Variants in ELAVL2 observed in about 807,000 individuals in gnomAD.
The protein encoded by ELAVL2 is ELAV-like protein 2.
A neutral mutation model predicts 34.6 loss-of-function variants in ELAVL2; 4 were observed. That is an observed-to-expected ratio of 0.12 (90% CI 0.06 to 0.26). The LOEUF (loss-of-function observed/expected upper bound fraction) is 0.26, where lower values mean the gene tolerates loss of function less well. Ranked by LOEUF, ELAVL2 falls within the 10% of genes least tolerant of loss-of-function variation. The pLI, the probability that ELAVL2 is intolerant of heterozygous loss-of-function variation, is 1.00. For missense variants in ELAVL2, 432 were observed against 442.8 expected (o/e 0.98, Z 0.22); for synonymous variants, 193 against 154.8 (o/e 1.25, Z -1.83).
intron 2 of ELAVL2, among the ~76,000 whole-genome samples, chr9:23,752,754 C>A (rs1475807413): frequency 1.3e-5 from 2 of 152,164 alleles, no homozygotes; most frequent in African/African-American, 4.8e-5. Context: ...CATACCCAGC[C>A]AAGGAACTCT....
At chr9:23,732,341 T>C (rs1406796362) in intron 2 of ELAVL2, among the ~76,000 whole-genome samples, 1 of 152,232 alleles carries the variant, frequency 6.6e-6, no homozygotes, top group Admixed American at 6.5e-5. Context: ...ATATGAAAAC[T>C]AGTGATTATA....
intron 4 of ELAVL2, among the ~76,000 whole-genome samples, chr9:23,702,811 G>C (rs1333176752): frequency 6.6e-6 from 1 of 151,586 alleles, no homozygotes; most frequent in African/African-American, 2.4e-5. Flanking sequence ...CAGGTAAATT[G>C]AGTAAGTTCA....
chr9:23,734,965 C>G (rs1460079354), intron 2 of ELAVL2, among the ~76,000 whole-genome samples: 2 of 151,780 alleles, frequency 1.3e-5, no homozygotes, highest in African/African-American at 4.8e-5. Flanking sequence ...TTAGAATGTG[C>G]ATACTGATAA....
intron 1 of ELAVL2, among the ~76,000 whole-genome samples, chr9:23,788,006 G>GTT (rs1294438771): frequency 6.6e-6 from 1 of 152,126 alleles, no homozygotes; most frequent in African/African-American, 2.4e-5. Flanking sequence ...TGATTAAAAA[G>GTT]GCGCAAAAAA....
At chr9:23,761,865 T>G in intron 2 of ELAVL2, 141 bp downstream of exon 2, 1 of 1,181,630 alleles carries the variant, frequency 8.5e-7, no homozygotes, top group Non-Finnish European at 1.1e-6. Flanking sequence ...CTAAGTTTCA[T>G]ATTGCTGATG....
At chr9:23,699,812 G>GTTTGTTTT (rs2036518015) in intron 5 of ELAVL2, among the ~76,000 whole-genome samples, 1 of 82,970 alleles carries the variant, frequency 1.2e-5, no homozygotes, top group East Asian at 4.5e-4. Flanking sequence ...GGTGGCAAAG[G>GTTTGTTTT]TTTTTTTTTT....
chr9:23,747,744 C>A (rs991454968), intron 2 of ELAVL2, among the ~76,000 whole-genome samples: 3 of 152,094 alleles, frequency 2.0e-5, no homozygotes, highest in African/African-American at 7.2e-5. Context: ...CTCTTACAAC[C>A]CAGGGGAGGC....
At chr9:23,849,018 C>T in the ELAVL2 span, among the ~76,000 whole-genome samples, 1 of 151,752 alleles carries the variant, frequency 6.6e-6, no homozygotes, top group Non-Finnish European at 1.5e-5. Context: ...GCAAAACAGG[C>T]CAAACAATGT....
intron 1 of ELAVL2, among the ~76,000 whole-genome samples, chr9:23,771,981 C>G (rs2057380818): frequency 6.6e-6 from 1 of 152,108 alleles, no homozygotes; most frequent in African/African-American, 2.4e-5. Flanking sequence ...ATTTCCATGC[C>G]ATTATTTGGC....
chr9:23,693,100 AT>A (rs1485901290), intron 6 of ELAVL2, among the ~76,000 whole-genome samples: 1 of 152,252 alleles, frequency 6.6e-6, no homozygotes, highest in Non-Finnish European at 1.5e-5. Flanking sequence ...TGAAATGACC[AT>A]TATTCACTGT....
chr9:23,818,456 G>C (rs189698076), intron 1 of ELAVL2, among the ~76,000 whole-genome samples: 366 of 152,228 alleles, frequency 2.4e-3, no homozygotes, highest in Non-Finnish European at 3.9e-3. Context: ...CCATAACTAA[G>C]TACTCACGCC....
chr9:23,820,035 G>A lies in ELAVL2; in HGVS notation c.-16+5771C>T, dbSNP rs112516613. Among the ~76,000 whole-genome samples the A allele has an allele frequency of 4.3e-4, 65 of 151,746 alleles. 2 individuals carry two copies. Among genetic ancestry groups the A allele is most frequent in the African/African-American group, 1.6e-3 (65 of 41,420 alleles). Reference sequence around the variant, plus strand: ...CAGTCACCATTTATATATACCCAAAGGTTACTAAGACAAGGTAGATGCAGG... The same window carrying A: ...CAGTCACCATTTATATATACCCAAAAGTTACTAAGACAAGGTAGATGCAGG... On this transcript the variant is annotated intron_variant, in intron 1 of 6. Coordinates refer to ENST00000397312, the MANE Select transcript of ELAVL2 (RefSeq NM_004432.5).
intron 2 of ELAVL2, among the ~76,000 whole-genome samples, chr9:23,746,972 TG>T (rs761376134): frequency 2.0e-5 from 3 of 152,138 alleles, no homozygotes; most frequent in African/African-American, 4.8e-5. Flanking sequence ...TAGAACATCC[TG>T]CATTCCACCT....
chr9:23,787,965 A>G (rs1039047834), intron 1 of ELAVL2, among the ~76,000 whole-genome samples: 3 of 152,186 alleles, frequency 2.0e-5, no homozygotes, highest in Admixed American at 6.5e-5. Flanking sequence ...AACTTCAGGG[A>G]AAGTCTGAAC....
At chr9:23,701,970 C>A (rs1049956542) in intron 4 of ELAVL2, among the ~76,000 whole-genome samples, 2 of 152,022 alleles carry the variant, frequency 1.3e-5, no homozygotes, top group Non-Finnish European at 1.5e-5. Flanking sequence ...TCAATTTGTG[C>A]TATTGGATAA....
chr9:23,798,316 T>C (rs1258031689), intron 1 of ELAVL2, among the ~76,000 whole-genome samples: 1 of 152,224 alleles, frequency 6.6e-6, no homozygotes, highest in Non-Finnish European at 1.5e-5. Flanking sequence ...AATTCCAGTA[T>C]AGATGTTACT....
chr9:23,705,417 C>T (rs2038987583), intron 3 of ELAVL2, among the ~76,000 whole-genome samples: 1 of 152,216 alleles, frequency 6.6e-6, no homozygotes, highest in Admixed American at 6.5e-5. Flanking sequence ...GATTCAACAA[C>T]TGCCTGCTCA....
intron 2 of ELAVL2, among the ~76,000 whole-genome samples, chr9:23,758,909 A>G (rs970938769): frequency 1.3e-5 from 2 of 152,116 alleles, no homozygotes; most frequent in Non-Finnish European, 2.9e-5. Flanking sequence ...AATTACTAGT[A>G]TCTCACCAAA....
At chr9:23,692,937 G>T (rs775594043) in intron 6 of ELAVL2, 53 bp from the exon 7 acceptor site, 2 of 1,540,286 alleles carry the variant, frequency 1.3e-6, no homozygotes, top group Non-Finnish European at 1.8e-6. Flanking sequence ...AAAAACAGAG[G>T]TTGGTTATAG....
Sources: gnomAD v4.1 joint callset for allele counts (sites outside exome capture counted in the v4.1 genomes callset) on GRCh38, gnomAD v4.1.1 for gene constraint, MANE v1.5 for transcripts, NCBI Gene and HGNC (gene_info 2026-07-23, HGNC 2026-07-21) for gene names.